The following AMPH variants were observed in gnomAD, a reference collection of about 807,000 sequenced individuals.
AMPH encodes the protein amphiphysin.
AMPH carries 49 observed loss-of-function variants against 99.1 expected under a neutral mutation model. The ratio of observed to expected loss-of-function variants is 0.49; its 90% CI spans 0.39 to 0.63. The LOEUF is 0.63. Ranked by LOEUF, AMPH falls within the 20% of genes least tolerant of loss-of-function variation. AMPH has a pLI of 0.00. For missense variants in AMPH, 759 were observed against 863.4 expected, an observed-to-expected ratio of 0.88 and a Z score of 1.52; for synonymous variants, 314 against 317.3, an observed-to-expected ratio of 0.99 and a Z score of 0.11.
intron 3 of AMPH, among the ~76,000 whole-genome samples, chr7:38,496,422 G>A (rs1190006117): frequency 6.6e-6 from 1 of 152,132 alleles, no homozygotes; most frequent in Non-Finnish European, 1.5e-5. Flanking sequence ...TGACAATGAG[G>A]TGTCCTGCCT....
At chr7:38,566,244 T>C (rs1006309964) in intron 1 of AMPH, among the ~76,000 whole-genome samples, 1 of 152,180 alleles carries the variant, frequency 6.6e-6, no homozygotes, top group Non-Finnish European at 1.5e-5. Flanking sequence ...CCTAATGTTG[T>C]CAGGCTATCA....
intron 1 of AMPH, among the ~76,000 whole-genome samples, chr7:38,590,932 A>C (rs898903158): frequency 6.6e-6 from 1 of 152,238 alleles, no homozygotes; most frequent in Non-Finnish European, 1.5e-5. Flanking sequence ...GGTAAGATAT[A>C]ATTTTATATT....
chr7:38,534,868 C>A, intron 2 of AMPH, 63 bp downstream of exon 2: 1 of 1,405,916 alleles, frequency 7.1e-7, no homozygotes, highest in Non-Finnish European at 1.0e-6. Context: ...ATTTTACTTA[C>A]ATACTAAGAC....
At chr7:38,523,424 A>G (rs1266114756) in intron 2 of AMPH, among the ~76,000 whole-genome samples, 1 of 152,186 alleles carries the variant, frequency 6.6e-6, no homozygotes. Flanking sequence ...AAGGGAAAGC[A>G]CAACAAGATC....
rs544036143 is a variant in AMPH at position 38,610,234 on chromosome 7, CAAAAAAAAAAA to C, written c.69+21038_69+21048del. 5.6e-3 allele frequency among the ~76,000 whole-genome samples: 34 copies of C among 6,122 alleles called. 3 individuals are homozygous for C. The highest frequency in any genetic ancestry group is 7.2e-3 in the Non-Finnish European group (27 of 3,742). 4.0% of individuals were successfully genotyped at this position (6,122 alleles called of 152,430 possible). ...CCGGGCAACAAAAGCTAAGCTCTCT[CAAAAAAAAAAA>C]AAAAAAAAAAAAAAAAAAGAAAGAA... On this transcript the variant is annotated intron_variant, in intron 1 of 20. Coordinates refer to ENST00000356264, the MANE Select transcript of AMPH (RefSeq NM_001635.4).
chr7:38,384,775 TAAAA>T lies in AMPH; in HGVS notation c.*39_*42del. ...AACTCTTCAGGTTTTCATGAAGGTT[TAAAA>T]ACCCCGTAACTGAGCTCCTTCTTGC... On this transcript the variant is annotated 3_prime_UTR_variant, in exon 21 of 21. Transcript: ENST00000356264. The T allele has an allele frequency of 4.0e-4, 611 of 1,538,220 alleles. No individual in the cohort carries two copies. Among genetic ancestry groups the T allele is most frequent in the Non-Finnish European group, 5.1e-4 (567 of 1,112,334 alleles).
At chr7:38,622,681 T>C (rs1488545423) in intron 1 of AMPH, among the ~76,000 whole-genome samples, 3 of 152,208 alleles carry the variant, frequency 2.0e-5, no homozygotes, top group Admixed American at 2.0e-4. Flanking sequence ...TGTGAGGATA[T>C]TGAATCTTTC....
intron 1 of AMPH, among the ~76,000 whole-genome samples, chr7:38,582,311 T>C (rs1258734849): frequency 6.6e-6 from 1 of 152,196 alleles, no homozygotes; most frequent in East Asian, 1.9e-4. Flanking sequence ...AGGTCACTGA[T>C]GACCTTGACA....
intron 11 of AMPH, among the ~76,000 whole-genome samples, chr7:38,455,115 C>T (rs759967273): frequency 6.6e-6 from 1 of 151,058 alleles, no homozygotes; most frequent in Non-Finnish European, 1.5e-5. Flanking sequence ...GTTTTGCTCT[C>T]GTTGCCCAGG....
rs139909342 is a variant in AMPH, at chr7:38,462,988, C to T, written c.875G>A (p.Arg292Gln). 9 of 1,579,118 alleles carry T rather than the reference C, an allele frequency of 5.7e-6. No homozygotes were observed. Among genetic ancestry groups the T allele is most frequent in the East Asian group, 2.2e-5 (1 of 44,598 alleles). Residue 292 changes from arginine (R) to glutamine (Q), a missense_variant, in exon 10 of 21, where the codon CGG becomes CAG. Physicochemically the swap from Arg to Gln is conservative, Grantham distance 43. This residue lies in a region of AMPH where 554 missense variants were observed against 575.6 expected (regional missense o/e 0.96). Coordinates refer to ENST00000356264, the MANE Select transcript of AMPH (RefSeq NM_001635.4). ...ACCTCTTCCTACCTGTGAAGGTGACCGAGGCCGTGCTGGTGCGGGAGACGC... is the reference window on the plus strand; with the variant it reads ...ACCTCTTCCTACCTGTGAAGGTGACTGAGGCCGTGCTGGTGCGGGAGACGC... ...APASPAPARP[R>Q]SPSQTRKGPP...
intron 3 of AMPH, among the ~76,000 whole-genome samples, chr7:38,497,865 A>G (rs1236594967): frequency 6.6e-6 from 1 of 152,184 alleles, no homozygotes; most frequent in Non-Finnish European, 1.5e-5. Context: ...CCTACCCCTT[A>G]GTCATGCCTA....
At chr7:38,620,641 G>T (rs1004485658) in intron 1 of AMPH, among the ~76,000 whole-genome samples, 13 of 151,376 alleles carry the variant, frequency 8.6e-5, no homozygotes, top group Non-Finnish European at 1.5e-5. Flanking sequence ...ATGCAATTAA[G>T]ACTTTTAAAG....
chr7:38,545,782 G>T (rs1790974659), intron 1 of AMPH, among the ~76,000 whole-genome samples: 1 of 152,162 alleles, frequency 6.6e-6, no homozygotes, highest in African/African-American at 2.4e-5. Flanking sequence ...CATGCAATAT[G>T]CCCCAACTGC....
chr7:38,422,794 T>A (rs959758259), intron 15 of AMPH, among the ~76,000 whole-genome samples: 3 of 152,104 alleles, frequency 2.0e-5, no homozygotes, highest in African/African-American at 7.2e-5. Context: ...AATTTTTGCA[T>A]TTTTTTGTAT....
chr7:38,566,939 T>C (rs1337536092), intron 1 of AMPH, among the ~76,000 whole-genome samples: 1 of 152,172 alleles, frequency 6.6e-6, no homozygotes, highest in Non-Finnish European at 1.5e-5. Context: ...ACACTGTTGG[T>C]GGGCGTGTAA....
At chr7:38,440,386 C>A (rs2128997699) in intron 11 of AMPH, among the ~76,000 whole-genome samples, 1 of 152,238 alleles carries the variant, frequency 6.6e-6, no homozygotes, top group South Asian at 2.1e-4. Context: ...AAGAATACAT[C>A]ACCCTCATAT....
In AMPH at chr7:38,530,613, T is replaced by G. The variant is rs1370157255; in HGVS notation, c.150+4318A>C. ...CAGCCCTCAAGGTATCTTCTTTTAA[T>G]TAGCACACTTGCCACAGGTGCAGCA... On this transcript the variant is annotated intron_variant, in intron 2 of 20. Transcript: ENST00000356264. Among the ~76,000 whole-genome samples, 3 of 152,206 alleles carry G rather than the reference T, an allele frequency of 2.0e-5. No individual in the cohort carries two copies. The East Asian group carries it at 5.8e-4, about 29-fold the overall frequency.
chr7:38,509,334 C>T (rs1236097991), intron 2 of AMPH, among the ~76,000 whole-genome samples: 1 of 152,130 alleles, frequency 6.6e-6, no homozygotes, highest in Non-Finnish European at 1.5e-5. Flanking sequence ...ATCCAAGATT[C>T]GTGGCCCAAT....
At chr7:38,431,290 T>C (rs1376750740) in intron 13 of AMPH, among the ~76,000 whole-genome samples, 1 of 152,204 alleles carries the variant, frequency 6.6e-6, no homozygotes, top group Non-Finnish European at 1.5e-5. Flanking sequence ...TATTTAAACC[T>C]CACACAACCT....
Sources: allele counts gnomAD v4.1 joint callset (sites outside exome capture counted in the v4.1 genomes callset), GRCh38; gene constraint gnomAD v4.1.1; regional missense constraint gnomAD v4.1.1; transcripts MANE v1.5; gene names NCBI Gene and HGNC (gene_info 2026-07-23, HGNC 2026-07-21).